Variants in TMEM132C observed in about 807,000 individuals in gnomAD.
TMEM132C encodes protein phosphatase 1, regulatory subunit 152.
In TMEM132C, 29 loss-of-function variants were observed where a neutral mutation model predicts 61.4. The observed-to-expected ratio is 0.47, with a 90% CI of 0.35 to 0.64. The LOEUF is 0.64. Ranked by LOEUF, TMEM132C falls within the 30% of genes least tolerant of loss-of-function variation. The pLI, the probability that TMEM132C is intolerant of heterozygous loss-of-function variation, is 0.00. For missense variants in TMEM132C, 1,408 were observed against 1,476.9 expected (o/e 0.95, Z 0.76); for synonymous variants, 656 against 633.1 (o/e 1.04, Z -0.54).
At chr12:128,543,474 C>G (rs1402089391) in intron 2 of TMEM132C, among the ~76,000 whole-genome samples, 7 of 152,152 alleles carry the variant, frequency 4.6e-5, no homozygotes, top group Non-Finnish European at 1.0e-4. Context: ...CCCAGTGGCT[C>G]TGTGTGGTGG....
intron 1 of TMEM132C, among the ~76,000 whole-genome samples, chr12:128,291,863 T>C (rs1475428817): frequency 6.6e-6 from 1 of 152,204 alleles, no homozygotes; most frequent in Non-Finnish European, 1.5e-5. Context: ...TTTCTCCTTT[T>C]CTTGCTTTTC....
Position 128,697,252 on chromosome 12 carries a change from T to C in TMEM132C, c.1958T>C (p.Leu653Pro). The change falls in exon 8 of 9, where the codon CTG becomes CCG. Residue 653 changes from leucine (L) to proline (P), a missense_variant. Leu to Pro is a moderately conservative substitution (Grantham distance 98). Coordinates refer to ENST00000435159, the MANE Select transcript of TMEM132C (RefSeq NM_001136103.3). ...QVLSPLSDSI[L>P]AEKTITVLDD... ...TTGTCTCCACTGTCTGACTCCATCC[T>C]GGCAGAGAAGACAATAACCGTGCTA... 6.5e-7 allele frequency: 1 copy of C among 1,534,150 alleles called. No homozygotes were observed. The highest frequency in any genetic ancestry group is 8.8e-7 in the Non-Finnish European group (1 of 1,132,790).
intron 2 of TMEM132C, among the ~76,000 whole-genome samples, chr12:128,431,829 C>T (rs1869400342): frequency 6.6e-6 from 1 of 152,076 alleles, no homozygotes; most frequent in Non-Finnish European, 1.5e-5. Context: ...AGTGCTTCGA[C>T]CATCTAGCAC....
At chr12:128,517,448 A>G (rs2136124684) in intron 2 of TMEM132C, among the ~76,000 whole-genome samples, 1 of 152,162 alleles carries the variant, frequency 6.6e-6, no homozygotes. Flanking sequence ...AACAACAACA[A>G]CAAACTCAAG....
intron 1 of TMEM132C, among the ~76,000 whole-genome samples, chr12:128,388,783 G>A (rs907368252): frequency 2.0e-5 from 3 of 152,256 alleles, no homozygotes; most frequent in Admixed American, 6.5e-5. Flanking sequence ...ACTTCCGGGC[G>A]CTGATTTTGT....
chr12:128,531,787 C>A (rs765750809), intron 2 of TMEM132C, among the ~76,000 whole-genome samples: 3 of 151,702 alleles, frequency 2.0e-5, no homozygotes, highest in African/African-American at 4.9e-5. Flanking sequence ...AGGGGGATGG[C>A]ACAAGGGGTC....
rs556371150 is a variant in TMEM132C at position 128,565,669 on chromosome 12, T to C, written c.1121+21566T>C. ...TTCATGTCACAGGTGAAGAAACTGA[T>C]ATTTAAGGGCATTAAAAGTAACTCA... On this transcript the variant is annotated intron_variant, in intron 3 of 8. Coordinates refer to ENST00000435159, the MANE Select transcript of TMEM132C (RefSeq NM_001136103.3). Among the ~76,000 whole-genome samples the C allele has an allele frequency of 2.6e-5, 4 of 152,212 alleles. No homozygotes were observed. The South Asian group carries it at 8.3e-4, about 32-fold the overall frequency.
chr12:128,343,723 G>GA (rs113660721), intron 1 of TMEM132C, among the ~76,000 whole-genome samples: 5 of 151,808 alleles, frequency 3.3e-5, no homozygotes, highest in African/African-American at 4.8e-5. Context: ...TTTCCACCCA[G>GA]AAAAAAAACC....
intron 2 of TMEM132C, among the ~76,000 whole-genome samples, chr12:128,483,814 A>C (rs993325697): frequency 1.3e-5 from 2 of 152,184 alleles, no homozygotes; most frequent in Non-Finnish European, 2.9e-5. Context: ...CTGCACTTCT[A>C]TATAATACAA....
chr12:128,705,968 C>T lies in TMEM132C; in HGVS notation c.3000C>T (p.Arg1000=), dbSNP rs111407346. 5.5e-5 allele frequency: 85 copies of T among 1,551,584 alleles called. 1 individual carries two copies. The Admixed American group carries it at 8.6e-4, about 16-fold the overall frequency. ...ACGAGCACACCACCATCATAGACCG[C>T]GGACCGGGGGCCTGCGAGGAGAGCA... ...PQDEHTTIID[R]GPGACEESNH... is the part of the protein sequence containing the mutation. The change falls in exon 9 of 9, where the codon CGC becomes CGT. Residue 1000 remains arginine, a synonymous_variant. Coordinates refer to ENST00000435159, the MANE Select transcript of TMEM132C (RefSeq NM_001136103.3).
At chr12:128,273,232 CTG>C (rs1333516975) in intron 1 of TMEM132C, among the ~76,000 whole-genome samples, 1 of 152,116 alleles carries the variant, frequency 6.6e-6, no homozygotes, top group Non-Finnish European at 1.5e-5. Context: ...ATTTTGAACA[CTG>C]TCTTAGGTAC....
intron 4 of TMEM132C, among the ~76,000 whole-genome samples, chr12:128,634,533 A>C (rs781464438): frequency 2.0e-5 from 3 of 152,236 alleles, no homozygotes; most frequent in Non-Finnish European, 4.4e-5. Context: ...CACTAACCCA[A>C]ACAAATTAGA....
intron 4 of TMEM132C, among the ~76,000 whole-genome samples, chr12:128,662,952 G>T (rs180980978): frequency 1.3e-5 from 2 of 152,240 alleles, no homozygotes; most frequent in African/African-American, 4.8e-5. Flanking sequence ...CATGTCCAGG[G>T]TCAGTCAGCT....
At chr12:128,500,621 T>C (rs897342378) in intron 2 of TMEM132C, among the ~76,000 whole-genome samples, 3 of 151,960 alleles carry the variant, frequency 2.0e-5, no homozygotes, top group African/African-American at 7.3e-5. Context: ...ATTAGGGAAA[T>C]ACAGAGCAAA....
intron 2 of TMEM132C, among the ~76,000 whole-genome samples, chr12:128,511,906 C>T (rs1035927857): frequency 6.6e-6 from 1 of 152,156 alleles, no homozygotes; most frequent in Non-Finnish European, 1.5e-5. Flanking sequence ...AGCCTAGAGG[C>T]TGGTGCACCT....
intron 1 of TMEM132C, among the ~76,000 whole-genome samples, chr12:128,283,574 A>C (rs538217315): frequency 6.6e-6 from 1 of 151,394 alleles, no homozygotes; most frequent in South Asian, 2.1e-4. Flanking sequence ...CTACTAACCT[A>C]TCCTAGCTAT....
intron 1 of TMEM132C, among the ~76,000 whole-genome samples, chr12:128,328,075 A>G (rs1255735058): frequency 6.6e-6 from 1 of 152,120 alleles, no homozygotes; most frequent in African/African-American, 2.4e-5. Flanking sequence ...TGCCCTAGCC[A>G]AGGAGAAAGC....
intron 3 of TMEM132C, among the ~76,000 whole-genome samples, chr12:128,598,966 G>A (rs977879770): frequency 1.4e-4 from 21 of 152,194 alleles, no homozygotes; most frequent in Middle Eastern, 3.4e-3. Context: ...TACATTTTCC[G>A]GACCCCTTGC....
chr12:128,700,410 G>A (rs1332737360), intron 8 of TMEM132C, among the ~76,000 whole-genome samples: 1 of 152,210 alleles, frequency 6.6e-6, no homozygotes, highest in Non-Finnish European at 1.5e-5. Context: ...AGGGCTGATG[G>A]AGATGGATCT....
Sources: gnomAD v4.1 joint callset for allele counts (sites outside exome capture counted in the v4.1 genomes callset) on GRCh38, gnomAD v4.1.1 for gene constraint, MANE v1.5 for transcripts, NCBI Gene and HGNC (gene_info 2026-07-23, HGNC 2026-07-21) for gene names.